Variants in SFXN5 observed in about 807,000 individuals in gnomAD.
SFXN5 encodes sideroflexin 5.
SFXN5 carries 43 observed loss-of-function variants against 50.2 expected under a neutral mutation model. The observed-to-expected ratio is 0.86, with a 90% CI of 0.67 to 1.11. The LOEUF is 1.11. Among genes scored for constraint, SFXN5 ranks in the 50% least tolerant of loss-of-function variants. SFXN5 has a pLI of 0.00. For synonymous variants in SFXN5, 203 were observed against 185.8 expected, an observed-to-expected ratio of 1.09 and a Z score of -0.75; for missense variants, 463 against 454.1, an observed-to-expected ratio of 1.02 and a Z score of -0.18.
rs1679660307 is a variant in SFXN5 at position 73,041,625 on chromosome 2, G to C, written c.172-694C>G. 4 of 431,740 alleles carry C rather than the reference G, an allele frequency of 9.3e-6. 1 individual carries two copies. The highest frequency in any genetic ancestry group is 8.1e-5 in the African/African-American group (4 of 49,208). The allele number at this position is 431,740 out of a possible 1,614,324, so 26.7% of individuals were successfully genotyped here. ...AAATCACCTGAACCCAGGAGGCAGG[G>C]GTTGCAGTGAGCCTGGGGGACAGTG... On this transcript the variant is annotated intron_variant, in intron 2 of 13. Coordinates refer to ENST00000272433, the MANE Select transcript of SFXN5 (RefSeq NM_144579.3).
Position 73,047,249 on chromosome 2 carries a change from T to TATATATATATATATATATATATACACAC in SFXN5, c.172-6319_172-6318insGTGTGTATATATATATATATATATATAT, listed in dbSNP as rs1574224420. On this transcript the variant is annotated intron_variant, in intron 2 of 13. Coordinates refer to ENST00000272433, the MANE Select transcript of SFXN5 (RefSeq NM_144579.3). ...AAAAAAAAAAAAAAAAAAAAAAATATATATATATATATATATATATATATA... is the reference window on the plus strand; with the variant it reads ...AAAAAAAAAAAAAAAAAAAAAAATATATATATATATATATATATATATACACACATATATATATATATATATATATATA... Among the ~76,000 whole-genome samples, 130 of 19,212 alleles carry TATATATATATATATATATATATACACAC rather than the reference T, an allele frequency of 6.8e-3. 12 individuals are homozygous for TATATATATATATATATATATATACACAC. Among genetic ancestry groups the TATATATATATATATATATATATACACAC allele is most frequent in the Admixed American group, 0.017 (15 of 898 alleles). 12.6% of individuals were successfully genotyped at this position (19,212 alleles called of 152,430 possible).
At chr2:73,069,432 G>A (rs1384842952) in intron 1 of SFXN5, among the ~76,000 whole-genome samples, 1 of 152,148 alleles carries the variant, frequency 6.6e-6, no homozygotes, top group African/African-American at 2.4e-5. Context: ...CGGCTCCCAG[G>A]TTTCTGGCTG....
chr2:73,015,278 T>C (rs1034999677), intron 6 of SFXN5, among the ~76,000 whole-genome samples: 1 of 152,262 alleles, frequency 6.6e-6, no homozygotes, highest in African/African-American at 2.4e-5. Context: ...CATTCTCTAA[T>C]GTTATCATAT....
rs766789623 is a variant in SFXN5 at position 72,999,048 on chromosome 2, G to C, written c.469-34C>G. On this transcript the variant is annotated intron_variant, in intron 8 of 13. Transcript: ENST00000272433. ...CAGAGGCAGAATTTCAGGCCTGCTG[G>C]GTGCCCAAAGCTCCCATACTTCCCC... is the stretch of plus-strand genomic sequence containing the variant. 8.7e-6 allele frequency: 14 copies of C among 1,610,322 alleles called. 1 individual carries two copies. The African/African-American group carries it at 9.3e-5, about 11-fold the overall frequency.
intron 3 of SFXN5, among the ~76,000 whole-genome samples, chr2:73,032,133 C>T (rs1263161332): frequency 6.6e-6 from 1 of 150,390 alleles, no homozygotes; most frequent in Non-Finnish European, 1.5e-5. Context: ...TTTCACAAGC[C>T]AGTCCTGCAA....
In SFXN5 at chr2:72,945,029, C is replaced by A. The variant is rs1671775953; in HGVS notation, c.1016G>T (p.Gly339Val). The change falls in exon 14 of 14, where the codon GGG becomes GTG. Residue 339 changes from glycine to valine, a missense_variant. Transcript: ENST00000272433. This position sits in a 1 kb window ranked among gnomAD's most constrained non-coding sequence, Gnocchi z 5.8. ...CCAGGCCGCTGACCACACTCACAAC[C>A]CCTTGTTGTACACCACTGTCCGGCT... ...TSSRTVVYNK[G>V]L 2 of 1,613,732 alleles carry A rather than the reference C, an allele frequency of 1.2e-6. No homozygotes were observed. The highest frequency in any genetic ancestry group is 1.7e-6 in the Non-Finnish European group (2 of 1,179,848).
In SFXN5 at chr2:73,027,719, G is replaced by C. The variant is rs533849758; in HGVS notation, c.250-4505C>G. Among the ~76,000 whole-genome samples the C allele has an allele frequency of 4.1e-4, 63 of 152,106 alleles. 2 individuals are homozygous for C. The South Asian group carries it at 0.012, about 29-fold the overall frequency. On this transcript the variant is annotated intron_variant, in intron 3 of 13. Transcript: ENST00000272433. ...CTGTCGCCCAGGCTGGAGTGCAGTG[G>C]TATCATCACAGCTCACTACAGCCTC...
intron 12 of SFXN5, among the ~76,000 whole-genome samples, chr2:72,965,160 C>T (rs898675920): frequency 2.0e-5 from 3 of 152,152 alleles, no homozygotes; most frequent in Admixed American, 6.5e-5. Context: ...AACACACAAG[C>T]GGCTGGACAG....
At chr2:72,965,627 C>T (rs1674302950) in intron 12 of SFXN5, among the ~76,000 whole-genome samples, 1 of 152,184 alleles carries the variant, frequency 6.6e-6, no homozygotes, top group South Asian at 2.1e-4. Context: ...GTATGCTCCC[C>T]TAGAGGTTTG....
intron 12 of SFXN5, among the ~76,000 whole-genome samples, chr2:72,962,817 C>T (rs1353742212): frequency 3.3e-5 from 5 of 152,150 alleles, no homozygotes; most frequent in African/African-American, 4.8e-5. Flanking sequence ...AGGCCCAGAC[C>T]GCAAGGTTTG....
intron 8 of SFXN5, among the ~76,000 whole-genome samples, 184 bp downstream of exon 8, chr2:73,000,247 C>T (rs1169745591): frequency 1.3e-5 from 2 of 152,196 alleles, no homozygotes; most frequent in East Asian, 3.9e-4. Flanking sequence ...TGCAGCTGAC[C>T]TCAGCTGAGT....
Position 72,988,308 on chromosome 2 carries a change from G to A in SFXN5, c.575C>T (p.Thr192Ile). The A allele has an allele frequency of 6.2e-7, 1 of 1,613,940 alleles. No individual in the cohort carries two copies. Among genetic ancestry groups the A allele is most frequent in the Non-Finnish European group, 8.5e-7 (1 of 1,179,850 alleles). Reference protein sequence around the residue: ...NVLVQKANKFTPATRLLIQRF... With the variant: ...NVLVQKANKFIPATRLLIQRF... ...CTGGATGAGAAGGCGGGTGGCTGGGGTGAACTTGTTGGCTTTCTGAACCAG... is the reference window on the plus strand; with the variant it reads ...CTGGATGAGAAGGCGGGTGGCTGGGATGAACTTGTTGGCTTTCTGAACCAG... The change falls in exon 10 of 14, where the codon ACC (threonine) becomes ATC (isoleucine). Residue 192 changes from threonine (T) to isoleucine (I), a missense_variant. Coordinates refer to ENST00000272433, the MANE Select transcript of SFXN5 (RefSeq NM_144579.3).
intron 2 of SFXN5, among the ~76,000 whole-genome samples, chr2:73,050,388 G>GCGCGCGCACA: frequency 6.9e-5 from 10 of 143,910 alleles, no homozygotes; most frequent in African/African-American, 2.5e-4. Flanking sequence ...CAGCCACAGC[G>GCGCGCGCACA]CACGCACACA....
chr2:73,061,720 T>C (rs1331638757), intron 1 of SFXN5, among the ~76,000 whole-genome samples: 1 of 152,180 alleles, frequency 6.6e-6, no homozygotes, highest in Non-Finnish European at 1.5e-5. Context: ...TAGGCTTATG[T>C]ATGATTTATA....
At chr2:73,067,696 G>A (rs1411393809) in intron 1 of SFXN5, among the ~76,000 whole-genome samples, 2 of 152,154 alleles carry the variant, frequency 1.3e-5, no homozygotes, top group Non-Finnish European at 2.9e-5. Flanking sequence ...TGGGGGGTGG[G>A]TGCATAGATG....
chr2:73,003,206 T>C lies in SFXN5; in HGVS notation c.358-1628A>G, dbSNP rs188054614. On this transcript the variant is annotated intron_variant, in intron 6 of 13. Coordinates refer to ENST00000272433, the MANE Select transcript of SFXN5 (RefSeq NM_144579.3). ...ATGTGTACACGTATGCATGCCTGAC[T>C]GCCTTCTACCACCGGAGGAAGTTAA... 9.2e-5 allele frequency among the ~76,000 whole-genome samples: 14 copies of C among 152,286 alleles called. No individual in the cohort carries two copies. The East Asian group carries it at 2.5e-3, about 27-fold the overall frequency.
At chr2:72,999,844 G>A (rs779658220) in intron 8 of SFXN5, among the ~76,000 whole-genome samples, 3 of 152,092 alleles carry the variant, frequency 2.0e-5, no homozygotes, top group Non-Finnish European at 4.4e-5. Flanking sequence ...AAGTTGGGGA[G>A]AGGTGGCCTT....
At chr2:72,965,926 G>C (rs1674343264) in intron 12 of SFXN5, among the ~76,000 whole-genome samples, 1 of 152,212 alleles carries the variant, frequency 6.6e-6, no homozygotes, top group Non-Finnish European at 1.5e-5. Context: ...GATAGCTGTA[G>C]GATGTGTTGG....
chr2:73,000,572 C>T, intron 7 of SFXN5, 85 bp from the exon 8 acceptor site: 1 of 1,313,754 alleles, frequency 7.6e-7, no homozygotes, highest in Non-Finnish European at 1.1e-6. Flanking sequence ...CCACACATCC[C>T]CAGAAAGGCA....
Sources: gnomAD v4.1 joint callset for allele counts (sites outside exome capture counted in the v4.1 genomes callset) on GRCh38, gnomAD v4.1.1 for gene constraint, Gnocchi (gnomAD v3.1) non-coding constraint, MANE v1.5 for transcripts, NCBI Gene and HGNC (gene_info 2026-07-23, HGNC 2026-07-21) for gene names.